The following PARN variants were observed in gnomAD, a reference collection of about 807,000 sequenced individuals.
PARN encodes the protein poly(A)-specific ribonuclease.
PARN carries 71 observed loss-of-function variants against 102.8 expected under a neutral mutation model. That is an observed-to-expected ratio of 0.69 (90% CI 0.57 to 0.84). The LOEUF (loss-of-function observed/expected upper bound fraction) is 0.84. PARN is among the 40% of genes least tolerant of loss of function. The pLI, the probability that PARN is intolerant of heterozygous loss-of-function variation, is 0.00. For missense variants in PARN, 782 were observed against 760.9 expected (o/e 1.03, Z -0.33); for synonymous variants, 261 against 252.9 (o/e 1.03, Z -0.30).
At chr16:14,577,163 T>C (rs574139577) in intron 18 of PARN, among the ~76,000 whole-genome samples, 1 of 152,198 alleles carries the variant, frequency 6.6e-6, no homozygotes, top group African/African-American at 2.4e-5. Flanking sequence ...TTGGTAAAGG[T>C]TACATTTAGA....
At chr16:14,524,341 A>T (rs886455636) in intron 21 of PARN, among the ~76,000 whole-genome samples, 3 of 152,194 alleles carry the variant, frequency 2.0e-5, no homozygotes, top group South Asian at 2.1e-4. Context: ...GGCGGTTTAG[A>T]TCATCAAGAT....
intron 21 of PARN, among the ~76,000 whole-genome samples, chr16:14,534,826 T>A (rs1966540941): frequency 6.7e-6 from 1 of 149,580 alleles, no homozygotes; most frequent in Non-Finnish European, 1.5e-5. Flanking sequence ...TAAAGTTTCA[T>A]TTCTAAATTT....
intron 22 of PARN, among the ~76,000 whole-genome samples, chr16:14,467,012 T>C (rs1962402166): frequency 6.6e-6 from 1 of 152,156 alleles, no homozygotes; most frequent in African/African-American, 2.4e-5. Flanking sequence ...CACCTACTCC[T>C]CTCTCCTCTC....
intron 21 of PARN, among the ~76,000 whole-genome samples, chr16:14,513,584 T>C (rs1965310765): frequency 6.6e-6 from 1 of 152,206 alleles, no homozygotes; most frequent in South Asian, 2.1e-4. Context: ...GCACATGGCC[T>C]ACCTGTCTTC....
At chr16:14,545,369 T>C (rs1024837384) in intron 21 of PARN, among the ~76,000 whole-genome samples, 1 of 152,168 alleles carries the variant, frequency 6.6e-6, no homozygotes, top group Non-Finnish European at 1.5e-5. Context: ...AATTATAAAT[T>C]AGTAACAAGA....
intron 10 of PARN, among the ~76,000 whole-genome samples, chr16:14,605,538 T>A (rs759891580): frequency 1.3e-5 from 2 of 152,248 alleles, no homozygotes; most frequent in Non-Finnish European, 2.9e-5. Context: ...ATATATGTTG[T>A]ATTACCATAA....
chr16:14,482,911 G>GT, intron 21 of PARN, 84 bp from the exon 22 acceptor site: 1 of 1,187,422 alleles, frequency 8.4e-7, no homozygotes, highest in Non-Finnish European at 1.2e-6. Flanking sequence ...GTGGCCTAAG[G>GT]TGGTCAAAGG....
At chr16:14,556,182 C>T (rs567027261) in intron 18 of PARN, among the ~76,000 whole-genome samples, 4 of 150,030 alleles carry the variant, frequency 2.7e-5, no homozygotes, top group South Asian at 4.2e-4. Context: ...CATTTTGAGA[C>T]GGAGTCTTAT....
At chr16:14,627,882 G>A (rs894947619) in intron 3 of PARN, among the ~76,000 whole-genome samples, 23 of 152,144 alleles carry the variant, frequency 1.5e-4, no homozygotes, top group Non-Finnish European at 3.1e-4. Context: ...AGTGGCTTGC[G>A]CCTGTAGTCC....
At chr16:14,540,907 C>T (rs1344219221) in intron 21 of PARN, among the ~76,000 whole-genome samples, 3 of 152,026 alleles carry the variant, frequency 2.0e-5, no homozygotes, top group African/African-American at 4.8e-5. Context: ...GCTGTGAACG[C>T]GCCACTGCAC....
rs1470565519 is a variant in PARN, at chr16:14,627,315, A to G, written c.199T>C (p.Phe67Leu). The G allele has an allele frequency of 3.1e-6, 5 of 1,592,052 alleles. No homozygotes were observed. The highest frequency in any genetic ancestry group is 4.3e-6 in the Non-Finnish European group (5 of 1,168,518). ...LKKHSMDFLL[F>L]QFGLCTFKYD... ...TTAAAAGTGCAAAGGCCAAACTGAA[A>G]TAGCAAAAAGTCCATGGAATGCTGG... Residue 67 changes from phenylalanine (F) to leucine (L), a missense_variant, in exon 4 of 24, where the codon TTT becomes CTT. Physicochemically the swap from Phe to Leu is conservative, Grantham distance 22. Coordinates refer to ENST00000437198, the MANE Select transcript of PARN (RefSeq NM_002582.4).
chr16:14,581,010 C>A, intron 17 of PARN, 67 bp from the exon 18 acceptor site: 1 of 883,706 alleles, frequency 1.1e-6, no homozygotes, highest in Non-Finnish European at 1.9e-6. Context: ...AAGTTCAGAC[C>A]AAAACAGATT....
At chr16:14,624,636 C>T (rs1972526778) in intron 5 of PARN, among the ~76,000 whole-genome samples, 1 of 152,182 alleles carries the variant, frequency 6.6e-6, no homozygotes, top group African/African-American at 2.4e-5. Flanking sequence ...AGAGTGCCAT[C>T]GGCCAGATGT....
rs1971192543 is a variant in PARN, at chr16:14,606,488, T to C, written c.698A>G (p.Glu233Gly). 4 of 1,567,896 alleles carry C rather than the reference T, an allele frequency of 2.6e-6. No homozygotes were observed. Among genetic ancestry groups the C allele is most frequent in the South Asian group, 2.3e-5 (2 of 87,494 alleles). The change falls in exon 10 of 24, where the codon GAA becomes GGA. Residue 233 changes from glutamate to glycine, a missense_variant. Glu to Gly is a moderately conservative substitution (Grantham distance 98). Transcript: ENST00000437198. ...CTAGATAATTCTTGGGGTTACCTTTTCAGTTTCTAAAGTCTCAACATGAAT... is the reference window on the plus strand; with the variant it reads ...CTAGATAATTCTTGGGGTTACCTTTCCAGTTTCTAAAGTCTCAACATGAAT... ...KGIHVETLET[E>G]KKERYIVISK...
At chr16:14,521,320 T>A (rs139411808) in intron 21 of PARN, among the ~76,000 whole-genome samples, 169 of 152,286 alleles carry the variant, frequency 1.1e-3, no homozygotes, top group African/African-American at 3.9e-3. Flanking sequence ...TAAACCAGGG[T>A]TGCCAAAAAG....
At chr16:14,543,620 G>A (rs1282677175) in intron 21 of PARN, among the ~76,000 whole-genome samples, 3 of 152,128 alleles carry the variant, frequency 2.0e-5, no homozygotes, top group Non-Finnish European at 4.4e-5. Flanking sequence ...ACTCTGAGAA[G>A]ACTGTTAAAA....
Position 14,436,754 on chromosome 16 carries a change from C to A in PARN, c.1883G>T (p.Ser628Ile). Residue 628 changes from serine to isoleucine, a missense_variant, in exon 24 of 24, where the codon AGC becomes ATC. By Grantham distance (142) the Ser-to-Ile change is moderately radical. Transcript: ENST00000437198. ...AGGAACTTCAAAGAGTGTGGCAGGG[C>A]TGTTCTTCGAGATGCTTCCTGGTGG... ...LSPAGSISKN[S>I]PATLFEVPDT... 6.3e-7 allele frequency: 1 copy of A among 1,594,582 alleles called. No individual in the cohort carries two copies. The highest frequency in any genetic ancestry group is 1.8e-5 in the Admixed American group (1 of 56,576).
chr16:14,542,398 T>TACAGCCTC, intron 21 of PARN, among the ~76,000 whole-genome samples: 1 of 151,870 alleles, frequency 6.6e-6, no homozygotes, highest in South Asian at 2.1e-4. Flanking sequence ...TACAGCTCAT[T>TACAGCCTC]ACAGCCTCAA....
At chr16:14,561,782 T>C (rs539870776) in intron 18 of PARN, among the ~76,000 whole-genome samples, 19 of 152,332 alleles carry the variant, frequency 1.2e-4, no homozygotes, top group Admixed American at 3.9e-4. Context: ...CACTCCAGTC[T>C]GGGCAACAGA....
Sources: gnomAD v4.1 joint callset for allele counts (sites outside exome capture counted in the v4.1 genomes callset) on GRCh38, gnomAD v4.1.1 for gene constraint, MANE v1.5 for transcripts, NCBI Gene and HGNC (gene_info 2026-07-23, HGNC 2026-07-21) for gene names.